ZNF423: variants seen among roughly 807,000 people sequenced by gnomAD.
ZNF423 encodes zinc finger protein 423.
ZNF423 carries 12 observed loss-of-function variants against 95.8 expected under a neutral mutation model. That is an observed-to-expected ratio of 0.13 (90% CI 0.08 to 0.20). The LOEUF (loss-of-function observed/expected upper bound fraction) is 0.20, where lower values mean the gene tolerates loss of function less well. ZNF423 is among the 10% of genes least tolerant of loss of function. The probability of loss-of-function intolerance (pLI) is 1.00; values close to 1 mark genes in which losing one functional copy is unlikely to be tolerated. For synonymous variants in ZNF423, 749 were observed against 711.9 expected (o/e 1.05, Z -0.83); for missense variants, 1,316 against 1,737.1 (o/e 0.76, Z 4.31).
At chr16:49,649,665 A>G (rs1365182140) in intron 3 of ZNF423, among the ~76,000 whole-genome samples, 74 of 71,240 alleles carry the variant, frequency 1.0e-3, no homozygotes, top group Admixed American at 3.5e-3. Context: ...ACACACACAC[A>G]CACAGGGAGA....
intron 5 of ZNF423, among the ~76,000 whole-genome samples, chr16:49,564,956 A>G (rs1289898398): frequency 2.6e-5 from 4 of 152,206 alleles, no homozygotes; most frequent in East Asian, 3.9e-4. Flanking sequence ...CACTCTCCTG[A>G]TTAACAGCCG....
chr16:49,857,228 GGA>G (rs1346909855), upstream of ZNF423, among the ~76,000 whole-genome samples: 1 of 150,490 alleles, frequency 6.6e-6, no homozygotes, highest in Non-Finnish European at 1.5e-5. The surrounding 1 kb of genome is among the most constrained non-coding windows in gnomAD (Gnocchi z 6.2). Flanking sequence ...CGGATCAGAC[GGA>G]GAGAGGGCCA....
intron 5 of ZNF423, among the ~76,000 whole-genome samples, chr16:49,542,602 T>A (rs549890642): frequency 6.6e-6 from 1 of 152,176 alleles, no homozygotes; most frequent in South Asian, 2.1e-4. Flanking sequence ...CAGGGACAGA[T>A]GCCAGGGAGG....
At chr16:49,783,576 G>T (rs570044984) in intron 2 of ZNF423, among the ~76,000 whole-genome samples, 58 of 143,596 alleles carry the variant, frequency 4.0e-4, no homozygotes, top group African/African-American at 1.5e-3. Context: ...TGGGAAAGAG[G>T]GGGGGTTAGG....
chr16:49,656,275 C>T (rs1312550627), intron 3 of ZNF423, among the ~76,000 whole-genome samples: 1 of 152,160 alleles, frequency 6.6e-6, no homozygotes, highest in African/African-American at 2.4e-5. Context: ...CTTTGGGAGG[C>T]TGAGGCGGGT....
intron 3 of ZNF423, among the ~76,000 whole-genome samples, chr16:49,639,867 C>T (rs1335487340): frequency 2.6e-5 from 4 of 152,184 alleles, no homozygotes; most frequent in Non-Finnish European, 5.9e-5. Context: ...AAGGGTAGGC[C>T]GTTTCTGGGA....
At position 49,636,233 on chromosome 16, in the gene ZNF423, C is replaced by A; in HGVS notation, c.2943G>T (p.Thr981=). ...TGTGGGTCACCTTGTGTTCGGTGAG[C>A]GTCAGCAGCGAAGGGAAGCGCTCAC... is the stretch of plus-strand genomic sequence containing the variant. The part of the protein sequence containing the change: ...ICGERFPSLL[T]LTEHKVTHSK... The change falls in exon 4 of 8, where the codon ACG becomes ACT. Residue 981 remains threonine (T), a synonymous_variant. Transcript: ENST00000563137. This position sits in a 1 kb window ranked among gnomAD's most constrained non-coding sequence, Gnocchi z 8.6. The A allele has an allele frequency of 6.2e-7, 1 of 1,613,026 alleles. No homozygotes were observed. The highest frequency in any genetic ancestry group is 8.5e-7 in the Non-Finnish European group (1 of 1,179,978).
chr16:49,525,763 G>A (rs988752540), intron 5 of ZNF423, among the ~76,000 whole-genome samples: 1 of 152,184 alleles, frequency 6.6e-6, no homozygotes, highest in African/African-American at 2.4e-5. Context: ...AGCCAGGTGT[G>A]CAGGCCATGG....
At chr16:49,518,683 T>G (rs150986174) in intron 7 of ZNF423, 82 of 354,700 alleles carry the variant, frequency 2.3e-4, no homozygotes, top group African/African-American at 1.5e-3. Flanking sequence ...TATTTTTACC[T>G]TTTTCCAGAA....
Position 49,491,217 on chromosome 16 carries a change from C to G in ZNF423, c.*58G>C, listed in dbSNP as rs1359499350. The G allele has an allele frequency of 1.2e-6, 2 of 1,609,054 alleles. No individual in the cohort carries two copies. The highest frequency in any genetic ancestry group is 1.7e-6 in the Non-Finnish European group (2 of 1,175,868). On this transcript the variant is annotated 3_prime_UTR_variant, in exon 8 of 8. Transcript: ENST00000563137. ...TGATTGGATGTAATGTTCAAATGGC[C>G]CTCCCCACGGCGTCTCCGGCAAGCC...
At chr16:49,563,778 A>T (rs767386546) in intron 5 of ZNF423, among the ~76,000 whole-genome samples, 1 of 152,138 alleles carries the variant, frequency 6.6e-6, no homozygotes, top group Non-Finnish European at 1.5e-5. Flanking sequence ...CTACTGAAAC[A>T]TACACATCCC....
At chr16:49,644,281 T>TG (rs1973086599) in intron 3 of ZNF423, among the ~76,000 whole-genome samples, 11 of 151,906 alleles carry the variant, frequency 7.2e-5, no homozygotes, top group Admixed American at 7.2e-4. Flanking sequence ...GCATTGAGTT[T>TG]GGGGGGAAGA....
intron 7 of ZNF423, among the ~76,000 whole-genome samples, chr16:49,520,488 A>T (rs74498490): frequency 0.026 from 3,952 of 152,220 alleles, 166 homozygotes; most frequent in African/African-American, 0.09. Flanking sequence ...CTACCTCCTA[A>T]ACTTCTATTC....
At chr16:49,692,872 G>A (rs1596866363) in intron 3 of ZNF423, among the ~76,000 whole-genome samples, 1 of 152,344 alleles carries the variant, frequency 6.6e-6, no homozygotes, top group East Asian at 1.9e-4. Context: ...CTCCATGAAG[G>A]CAAGGGCTAT....
At chr16:49,530,616 G>A (rs1470146446) in intron 5 of ZNF423, among the ~76,000 whole-genome samples, 1 of 152,152 alleles carries the variant, frequency 6.6e-6, no homozygotes, top group Non-Finnish European at 1.5e-5. Context: ...GGTAGGGTGG[G>A]AGTGCTGGTA....
At chr16:49,746,910 C>T (rs1367796714) in intron 2 of ZNF423, among the ~76,000 whole-genome samples, 1 of 152,230 alleles carries the variant, frequency 6.6e-6, no homozygotes, top group African/African-American at 2.4e-5. Context: ...CTAGCCGTAG[C>T]ATCCTGACCT....
chr16:49,647,081 C>T (rs571761455), intron 3 of ZNF423, among the ~76,000 whole-genome samples: 1 of 152,246 alleles, frequency 6.6e-6, no homozygotes, highest in African/African-American at 2.4e-5. Context: ...CACTGCTTCA[C>T]CAGGCCCTGG....
chr16:49,727,613 A>G (rs2033058153), intron 3 of ZNF423, among the ~76,000 whole-genome samples: 1 of 152,130 alleles, frequency 6.6e-6, no homozygotes, highest in Non-Finnish European at 1.5e-5. Flanking sequence ...CAGAAGGCCA[A>G]TGGCTTGCAA....
intron 5 of ZNF423, among the ~76,000 whole-genome samples, chr16:49,574,138 C>G (rs1207389791): frequency 6.6e-6 from 1 of 152,222 alleles, no homozygotes; most frequent in African/African-American, 2.4e-5. Flanking sequence ...AATCCCAGCT[C>G]TTTGGGAGGC....
Sources: gnomAD v4.1 joint callset for allele counts (sites outside exome capture counted in the v4.1 genomes callset) on GRCh38, gnomAD v4.1.1 for gene constraint, Gnocchi (gnomAD v3.1) non-coding constraint, MANE v1.5 for transcripts, NCBI Gene and HGNC (gene_info 2026-07-23, HGNC 2026-07-21) for gene names.